MSC: variants seen among roughly 807,000 people sequenced by gnomAD.
MSC encodes musculin.
A neutral mutation model predicts 14.4 loss-of-function variants in MSC; 16 were observed. The observed-to-expected ratio is 1.11, with a 90% confidence interval of 0.75 to 1.69. The LOEUF (loss-of-function observed/expected upper bound fraction) is 1.69, where lower values mean the gene tolerates loss of function less well. MSC is among the 40% of genes most tolerant of loss of function. The pLI, the probability that MSC is intolerant of heterozygous loss-of-function variation, is 0.00. For synonymous variants in MSC, 165 were observed against 128.5 expected, an observed-to-expected ratio of 1.28 and a Z score of -1.92; for missense variants, 320 against 288.1, an observed-to-expected ratio of 1.11 and a Z score of -0.80.
rs59293389 is a variant in MSC, at chr8:71,843,050, G to GCACACACA, written c.535-311_535-304dup. The GCACACACA allele has an allele frequency of 5.9e-5, 10 of 168,680 alleles. No homozygotes were observed. The East Asian group carries it at 7.2e-4, about 12-fold the overall frequency. 10.4% of individuals were successfully genotyped at this position (168,680 alleles called of 1,614,324 possible). On this transcript the variant is annotated intron_variant, in intron 1 of 1. Coordinates refer to ENST00000325509, the MANE Select transcript of MSC (RefSeq NM_005098.4). ...TTCCCCAACACACACACACACACAC[G>GCACACACA]CACACACACACACACACACACACAC... is the stretch of plus-strand genomic sequence containing the variant.
At position 71,841,765 on chromosome 8, in the gene MSC, CGT is replaced by C; in HGVS notation, c.*894_*895del. 1 of 152,540 alleles carries C rather than the reference CGT, an allele frequency of 6.6e-6. No individual in the cohort carries two copies. Among genetic ancestry groups the C allele is most frequent in the Non-Finnish European group, 1.5e-5 (1 of 68,224 alleles). The allele number at this position is 152,540 out of a possible 1,614,324, so 9.4% of individuals were successfully genotyped here. ...GGTGTTGGAGTTGGGGCGCCCGGAG[CGT>C]GGAGTGGGGAGACCTGATGCAGAGA... On this transcript the variant is annotated 3_prime_UTR_variant, in exon 2 of 2. Transcript: ENST00000325509.
In MSC at chr8:71,843,712, A is replaced by G; in HGVS notation, c.467T>C (p.Ile156Thr). ...CTGCAACAGCTGCCGCAGGTGAGCG[A>G]TGTAACTGGAAGCCAGCCGGAGCGT... ...LDTLRLASSY[I>T]AHLRQLLQED... is the part of the protein sequence containing the mutation. Residue 156 changes from isoleucine (I) to threonine (T), a missense_variant, in exon 1 of 2, where the codon ATC becomes ACC. Transcript: ENST00000325509. The G allele has an allele frequency of 6.2e-7, 1 of 1,614,188 alleles. No homozygotes were observed. Among genetic ancestry groups the G allele is most frequent in the Non-Finnish European group, 8.5e-7 (1 of 1,180,026 alleles).
Position 71,844,323 on chromosome 8 carries a change from G to T in MSC, c.-145C>A. 1 of 1,214,020 alleles carries T rather than the reference G, an allele frequency of 8.2e-7. No homozygotes were observed. The allele number at this position is 1,214,020 out of a possible 1,614,324, so 75.2% of individuals were successfully genotyped here. On this transcript the variant is annotated 5_prime_UTR_variant, in exon 1 of 2. Coordinates refer to ENST00000325509, the MANE Select transcript of MSC (RefSeq NM_005098.4). ...ACCCAGGCCGGGAAGCGCGGGGTGA[G>T]AAAGCGAGGTGGGTGGCGAGAGCGT...
Position 71,843,815 on chromosome 8 carries a change from C to G in MSC, c.364G>C (p.Val122Leu), listed in dbSNP as rs1807445370. ...AGCCTGGAGAAGGCTTTGCTCAGCA[C>G]GCGCATCCGGGCACGCTCACGGGCG... ...ANARERARMR[V>L]LSKAFSRLKT... The change falls in exon 1 of 2, where the codon GTG (valine) becomes CTG (leucine). Residue 122 changes from valine (V) to leucine (L), a missense_variant. Val to Leu is a conservative substitution (Grantham distance 32). Coordinates refer to ENST00000325509, the MANE Select transcript of MSC (RefSeq NM_005098.4). 6.2e-7 allele frequency: 1 copy of G among 1,613,596 alleles called. No individual in the cohort carries two copies. Among genetic ancestry groups the G allele is most frequent in the Non-Finnish European group, 8.5e-7 (1 of 1,179,912 alleles).
In MSC at chr8:71,844,221, C is replaced by G. The variant is rs775262977; in HGVS notation, c.-43G>C. ...CCACACGCGTCCTCTTTCCTCCCCC[C>G]TGGCCAGTCTCGCTGTCTCCGCCTT... On this transcript the variant is annotated 5_prime_UTR_variant, in exon 1 of 2. Transcript: ENST00000325509. 1.2e-6 allele frequency: 2 copies of G among 1,607,266 alleles called. No homozygotes were observed. The highest frequency in any genetic ancestry group is 1.7e-6 in the Non-Finnish European group (2 of 1,178,126).
rs569519706 is a variant in MSC, at chr8:71,843,031, A to AACACACACAC, written c.535-294_535-285dup. The AACACACACAC allele has an allele frequency of 1.9e-4, 50 of 268,954 alleles. 1 individual carries two copies. The highest frequency in any genetic ancestry group is 2.2e-4 in the Non-Finnish European group (32 of 145,978). The allele number at this position is 268,954 out of a possible 1,614,324, so 16.7% of individuals were successfully genotyped here. On this transcript the variant is annotated intron_variant, in intron 1 of 1. Transcript: ENST00000325509. ...GTTCTGTCGTTTAGTTCCCTTCCCC[A>AACACACACAC]ACACACACACACACACACGCACACA...
In MSC at chr8:71,842,375, A is replaced by C. The variant is rs533834455; in HGVS notation, c.*286T>G. On this transcript the variant is annotated 3_prime_UTR_variant, in exon 2 of 2. Transcript: ENST00000325509. Reference sequence around the variant, plus strand: ...GGGCAGCAGCCGAGAGTTAGTCTACAGAGCTAGGGCCCGAGGGTGGACCTG... The same window carrying C: ...GGGCAGCAGCCGAGAGTTAGTCTACCGAGCTAGGGCCCGAGGGTGGACCTG... 40 of 406,562 alleles carry C rather than the reference A, an allele frequency of 9.8e-5. No individual in the cohort carries two copies. Among genetic ancestry groups the C allele is most frequent in the African/African-American group, 7.6e-4 (37 of 49,004 alleles). 25.2% of individuals were successfully genotyped at this position (406,562 alleles called of 1,614,324 possible). A position where few individuals can be genotyped will look rare whatever the true frequency, so the allele number is the denominator to read the frequency against.
In MSC at chr8:71,843,858, C is replaced by A. The variant is rs750060828; in HGVS notation, c.321G>T (p.Ser107=). 1 of 1,612,476 alleles carries A rather than the reference C, an allele frequency of 6.2e-7. No homozygotes were observed. Among genetic ancestry groups the A allele is most frequent in the Non-Finnish European group, 8.5e-7 (1 of 1,179,544 alleles). Residue 107 remains serine, a synonymous_variant, in exon 1 of 2, where the codon TCG becomes TCT. Coordinates refer to ENST00000325509, the MANE Select transcript of MSC (RefSeq NM_005098.4). ...AKGSAAECKQ[S]QRNAANARER... is the part of the protein sequence containing the mutation. Reference sequence around the variant, plus strand: ...CACGGGCGTTGGCCGCGTTCCGCTGCGACTGCTTGCACTCTGCGGCTGAGC... The same window carrying A: ...CACGGGCGTTGGCCGCGTTCCGCTGAGACTGCTTGCACTCTGCGGCTGAGC...
rs916990694 is a variant in MSC at position 71,843,886 on chromosome 8, T to C, written c.293A>G (p.Lys98Arg). ...CTGCTTGCACTCTGCGGCTGAGCCC[T>C]TGGCCGGGAGGGGCTTCTTGCCACC... is the stretch of plus-strand genomic sequence containing the variant. ...GGGGKKPLPA[K>R]GSAAECKQSQ... Residue 98 changes from lysine (K) to arginine (R), a missense_variant, in exon 1 of 2, where the codon AAG becomes AGG. By Grantham distance (26) the Lys-to-Arg change is conservative. Coordinates refer to ENST00000325509, the MANE Select transcript of MSC (RefSeq NM_005098.4). 3.7e-6 allele frequency: 6 copies of C among 1,605,676 alleles called. No individual in the cohort carries two copies. Among genetic ancestry groups the C allele is most frequent in the Non-Finnish European group, 8.5e-7 (1 of 1,176,380 alleles).
chr8:71,843,979 G>T lies in MSC; in HGVS notation c.200C>A (p.Ala67Glu). 1 of 1,562,562 alleles carries T rather than the reference G, an allele frequency of 6.4e-7. No homozygotes were observed. Among genetic ancestry groups the T allele is most frequent in the Non-Finnish European group, 8.7e-7 (1 of 1,155,696 alleles). Reference sequence around the variant, plus strand: ...GGGCCGCTTCCTCTTGCAGCCTTCCGCGCTGCCGGCTGTGCCCAGAGCGCA... The same window carrying T: ...GGGCCGCTTCCTCTTGCAGCCTTCCTCGCTGCCGGCTGTGCCCAGAGCGCA... Reference protein sequence around the residue: ...ERCALGTAGSAEGCKRKRPRV... With the variant: ...ERCALGTAGSEEGCKRKRPRV... The change falls in exon 1 of 2, where the codon GCG becomes GAG. Residue 67 changes from alanine to glutamate, a missense_variant. By Grantham distance (107) the Ala-to-Glu change is moderately radical. Transcript: ENST00000325509.
At chr8:71,843,050 GCA>G (rs59293389) in intron 1 of MSC, 10,655 of 162,648 alleles carry the variant, frequency 0.066, 39 homozygotes, top group South Asian at 0.088. Context: ...ACACACACAC[GCA>G]CACACACACA....
chr8:71,843,385 A>C (rs1807433809), intron 1 of MSC: 2 of 574,382 alleles, frequency 3.5e-6, no homozygotes, highest in Non-Finnish European at 6.3e-6. Flanking sequence ...TTTACCCTGG[A>C]AGTAGGATAT....
At chr8:71,843,082 A>ACACACC (rs1554624671) in intron 1 of MSC, 31 of 347,190 alleles carry the variant, frequency 8.9e-5, no homozygotes, top group African/African-American at 6.1e-4. Context: ...ACACACACAC[A>ACACACC]GTCATCCACT....
At position 71,843,993 on chromosome 8, in the gene MSC, G is replaced by T. The variant is rs752677838; in HGVS notation, c.186C>A (p.Gly62=). The part of the protein sequence containing the change: ...PDGEEERCAL[G]TAGSAEGCKR... ...TGCAGCCTTCCGCGCTGCCGGCTGT[G>T]CCCAGAGCGCAGCGCTCCTCCTCGC... The change falls in exon 1 of 2, where the codon GGC becomes GGA. Residue 62 remains glycine (G), a synonymous_variant. Transcript: ENST00000325509. 4.5e-6 allele frequency: 7 copies of T among 1,566,178 alleles called. No homozygotes were observed. In the South Asian group the frequency reaches 8.1e-5, roughly 18 times the overall value.
At position 71,843,663 on chromosome 8, in the gene MSC, G is replaced by A. The variant is rs773546327; in HGVS notation, c.516C>T (p.Tyr172=). 4.1e-5 allele frequency: 66 copies of A among 1,614,088 alleles called. No homozygotes were observed. The highest frequency in any genetic ancestry group is 5.6e-5 in the Non-Finnish European group (66 of 1,180,042). The change falls in exon 1 of 2, where the codon TAC becomes TAT. Residue 172 remains tyrosine, a synonymous_variant. Coordinates refer to ENST00000325509, the MANE Select transcript of MSC (RefSeq NM_005098.4). ...LLQEDRYENG[Y]VHPVNLTWPF... ...CCCCTACCAGGTTCACTGGGTGCAC[G>A]TAGCCGTTCTCATAGCGGTCCTCCT... is the stretch of plus-strand genomic sequence containing the variant.
chr8:71,844,336 G>T lies in MSC; in HGVS notation c.-158C>A. ...AGCGCGGGGTGAGAAAGCGAGGTGG[G>T]TGGCGAGAGCGTGAGCGCCCCTCTG... On this transcript the variant is annotated 5_prime_UTR_variant, in exon 1 of 2. Coordinates refer to ENST00000325509, the MANE Select transcript of MSC (RefSeq NM_005098.4). The T allele has an allele frequency of 4.6e-6, 5 of 1,080,900 alleles. No homozygotes were observed. The highest frequency in any genetic ancestry group is 6.8e-6 in the Non-Finnish European group (5 of 732,006). The allele number at this position is 1,080,900 out of a possible 1,614,324, so 67.0% of individuals were successfully genotyped here. A position where few individuals can be genotyped will look rare whatever the true frequency, so the allele number is the denominator to read the frequency against.
At chr8:71,843,032 A>ACACACACACACACACACG in intron 1 of MSC, 1 of 162,364 alleles carries the variant, frequency 6.2e-6, no homozygotes, top group Non-Finnish European at 1.1e-5. Context: ...CCCTTCCCCA[A>ACACACACACACACACACG]CACACACACA....
At chr8:71,843,517 C>CTCGT in intron 1 of MSC, 128 bp downstream of exon 1, 1 of 1,225,366 alleles carries the variant, frequency 8.2e-7, no homozygotes, top group Non-Finnish European at 1.2e-6. Context: ...AACTGGCCTT[C>CTCGT]TCGTTCCCAG....
rs1038321993 is a variant in MSC, at chr8:71,842,287, C to T, written c.*374G>A. 3.3e-6 allele frequency: 1 copy of T among 306,122 alleles called. No homozygotes were observed. The highest frequency in any genetic ancestry group is 2.1e-5 in the African/African-American group (1 of 46,640). The allele number at this position is 306,122 out of a possible 1,614,324, so 19.0% of individuals were successfully genotyped here. On this transcript the variant is annotated 3_prime_UTR_variant, in exon 2 of 2. Transcript: ENST00000325509. ...AGGCCGGGGCTGTGTGGAACCGTCCCGCACGTGTGCGATGAATCTGGCTCC... is the reference window on the plus strand; with the variant it reads ...AGGCCGGGGCTGTGTGGAACCGTCCTGCACGTGTGCGATGAATCTGGCTCC...
Sources: gnomAD v4.1 joint callset for allele counts on GRCh38, gnomAD v4.1.1 for gene constraint, MANE v1.5 for transcripts, NCBI Gene and HGNC (gene_info 2026-07-23, HGNC 2026-07-21) for gene names.